Variants in SCYL3 observed in about 807,000 individuals in gnomAD.
The protein encoded by SCYL3 is SCY1 like pseudokinase 3.
Under a neutral mutation model 73.8 loss-of-function variants are expected in SCYL3, and 35 were observed. The ratio of observed to expected loss-of-function variants is 0.47; its 90% CI spans 0.36 to 0.63. The LOEUF (loss-of-function observed/expected upper bound fraction) is 0.63. Ranked by LOEUF, SCYL3 falls within the 20% of genes least tolerant of loss-of-function variation. The probability of loss-of-function intolerance (pLI) is 0.00; values close to 1 mark genes in which losing one functional copy is unlikely to be tolerated. For synonymous variants in SCYL3, 277 were observed against 295.2 expected, an observed-to-expected ratio of 0.94 and a Z score of 0.63; for missense variants, 712 against 798.9, an observed-to-expected ratio of 0.89 and a Z score of 1.31.
At chr1:169,881,323 A>G (rs1661240494) in intron 2 of SCYL3, among the ~76,000 whole-genome samples, 1 of 152,146 alleles carries the variant, frequency 6.6e-6, no homozygotes, top group South Asian at 2.1e-4. Context: ...TAATATGCAT[A>G]TTTTGGGGGA....
In SCYL3 at chr1:169,888,758, G is replaced by A; in HGVS notation, c.83C>T (p.Pro28Leu). Residue 28 changes from proline (P) to leucine (L), a missense_variant, in exon 2 of 13, where the codon CCC (proline) becomes CTC (leucine). By Grantham distance (98) the Pro-to-Leu change is moderately conservative. Coordinates refer to ENST00000367771, the MANE Select transcript of SCYL3 (RefSeq NM_020423.7). ...AAATTTGCCATCTTGCAGTACAGCG[G>A]GATAAACAGCAAGTCCAGAGGGTAA... is the stretch of plus-strand genomic sequence containing the variant. ...FTLPSGLAVY[P>L]AVLQDGKFAS... The A allele has an allele frequency of 1.9e-6, 3 of 1,613,886 alleles. No individual in the cohort carries two copies. The highest frequency in any genetic ancestry group is 1.3e-5 in the African/African-American group (1 of 75,016).
intron 9 of SCYL3, among the ~76,000 whole-genome samples, 186 bp from the exon 10 acceptor site, chr1:169,862,983 G>A (rs1659773148): frequency 1.3e-5 from 2 of 152,050 alleles, no homozygotes; most frequent in African/African-American, 2.4e-5. Context: ...CGCGATCTCG[G>A]CTCACTGCAA....
chr1:169,854,081 C>T, intron 12 of SCYL3, 189 bp downstream of exon 12: 1 of 586,876 alleles, frequency 1.7e-6, no homozygotes, highest in Non-Finnish European at 2.9e-6. Flanking sequence ...ATTAAACAAA[C>T]TAAGCATTGC....
chr1:169,889,470 AC>A (rs1661910891), intron 1 of SCYL3, among the ~76,000 whole-genome samples: 1 of 152,140 alleles, frequency 6.6e-6, no homozygotes, highest in African/African-American at 2.4e-5. Context: ...AAAACAGACA[AC>A]TCATTGAAGA....
At position 169,852,178 on chromosome 1, in the gene SCYL3, C is replaced by T. The variant is rs1034647535; in HGVS notation, c.*1535G>A. On this transcript the variant is annotated 3_prime_UTR_variant, in exon 13 of 13. Transcript: ENST00000367771. ...TGGTAGTAACCTTTAAGGGAAGTTACATATTGTACCAGTGATGCTATAAAT... is the reference window on the plus strand; with the variant it reads ...TGGTAGTAACCTTTAAGGGAAGTTATATATTGTACCAGTGATGCTATAAAT... The T allele has an allele frequency of 9.2e-6, 5 of 543,858 alleles. No homozygotes were observed. The highest frequency in any genetic ancestry group is 1.6e-5 in the Non-Finnish European group (5 of 307,624). The allele number at this position is 543,858 out of a possible 1,614,324, so 33.7% of individuals were successfully genotyped here.
chr1:169,856,928 T>C (rs926098344), intron 11 of SCYL3, among the ~76,000 whole-genome samples: 1 of 152,232 alleles, frequency 6.6e-6, no homozygotes, highest in Non-Finnish European at 1.5e-5. Flanking sequence ...TGATTAACTC[T>C]TTTCTGCTAA....
chr1:169,893,210 T>C (rs1662205731), intron 1 of SCYL3, among the ~76,000 whole-genome samples: 1 of 152,206 alleles, frequency 6.6e-6, no homozygotes, highest in South Asian at 2.1e-4. Context: ...GAATATGCTC[T>C]TCCGAGAAAT....
At chr1:169,893,592 A>T (rs893772459) in intron 1 of SCYL3, among the ~76,000 whole-genome samples, 196 bp downstream of exon 1, 1 of 151,998 alleles carries the variant, frequency 6.6e-6, no homozygotes, top group Non-Finnish European at 1.5e-5. Context: ...CCCCACAATC[A>T]GCAAGGGGAG....
intron 5 of SCYL3, among the ~76,000 whole-genome samples, chr1:169,871,417 CT>C (rs918413259): frequency 5.3e-5 from 8 of 152,302 alleles, no homozygotes; most frequent in Admixed American, 4.6e-4. Flanking sequence ...TGCCTTTTGC[CT>C]TCTGCCATGA....
intron 4 of SCYL3, among the ~76,000 whole-genome samples, chr1:169,874,574 T>A (rs1571426057): frequency 6.6e-6 from 1 of 152,052 alleles, no homozygotes; most frequent in South Asian, 2.1e-4. Flanking sequence ...GAAGAAGGCA[T>A]ATGTGGGAAC....
In SCYL3 at chr1:169,866,772, T is replaced by TA. The variant is rs879231354; in HGVS notation, c.815+123dup. On this transcript the variant is annotated intron_variant, in intron 8 of 12. Coordinates refer to ENST00000367771, the MANE Select transcript of SCYL3 (RefSeq NM_020423.7). The stretch of plus-strand genomic sequence containing the variant: ...AGGGCCTAGCAGAAAGCCTGACACA[T>TA]AGGAAATGTTCAATAAATGTGAAAT... 1.6e-4 allele frequency: 106 copies of TA among 648,968 alleles called. 2 individuals carry two copies. Among genetic ancestry groups the TA allele is most frequent in the South Asian group, 1.2e-3 (71 of 57,202 alleles). The allele number at this position is 648,968 out of a possible 1,614,324, so 40.2% of individuals were successfully genotyped here.
At position 169,878,792 on chromosome 1, in the gene SCYL3, A is replaced by G; in HGVS notation, c.193T>C (p.Leu65=). The change falls in exon 3 of 13, where the codon TTG becomes CTG. Residue 65 remains leucine (L), a synonymous_variant. Transcript: ENST00000367771. ...ACAGTACAAGATAAAAATCTTAGCA[A>G]GCAAGGGTGACGAAGTGTCTTCAAA... is the stretch of plus-strand genomic sequence containing the variant. The part of the protein sequence containing the change: ...KHLKTLRHPC[L]LRFLSCTVEA... 5 of 1,613,236 alleles carry G rather than the reference A, an allele frequency of 3.1e-6. No homozygotes were observed. Among genetic ancestry groups the G allele is most frequent in the Non-Finnish European group, 4.2e-6 (5 of 1,179,738 alleles).
intron 10 of SCYL3, among the ~76,000 whole-genome samples, chr1:169,860,365 G>A (rs939588570): frequency 1.2e-4 from 19 of 152,236 alleles, no homozygotes; most frequent in Non-Finnish European, 2.2e-4. Context: ...TATAAGGAAG[G>A]AAATGACCTT....
chr1:169,892,336 G>T (rs1188001880), intron 1 of SCYL3, among the ~76,000 whole-genome samples: 1 of 152,152 alleles, frequency 6.6e-6, no homozygotes. Context: ...CTATCTCACT[G>T]TAACCTGGAA....
intron 2 of SCYL3, among the ~76,000 whole-genome samples, chr1:169,881,155 A>G (rs1661220205): frequency 6.6e-6 from 1 of 152,242 alleles, no homozygotes; most frequent in Non-Finnish European, 1.5e-5. Context: ...GTGTGAATGA[A>G]TGTACAATTA....
chr1:169,873,852 C>T (rs1269423823), intron 4 of SCYL3, 100 bp from the exon 5 acceptor site: 3 of 737,658 alleles, frequency 4.1e-6, no homozygotes, highest in Non-Finnish European at 6.9e-6. Flanking sequence ...GCAAACAGCA[C>T]CAATTAAACC....
In SCYL3 at chr1:169,851,905, C is replaced by T; in HGVS notation, c.*1808G>A. 2 of 1,614,012 alleles carry T rather than the reference C, an allele frequency of 1.2e-6. No individual in the cohort carries two copies. Among genetic ancestry groups the T allele is most frequent in the Non-Finnish European group, 1.7e-6 (2 of 1,179,942 alleles). ...TTCTGGGAACCCTTTGCTAATGTGA[C>T]TGTAGAAGAAGCAAAGAGGTCATCT... On this transcript the variant is annotated 3_prime_UTR_variant, in exon 13 of 13. Coordinates refer to ENST00000367771, the MANE Select transcript of SCYL3 (RefSeq NM_020423.7).
intron 11 of SCYL3, among the ~76,000 whole-genome samples, chr1:169,857,608 A>G (rs913329221): frequency 6.6e-6 from 1 of 152,230 alleles, no homozygotes; most frequent in Non-Finnish European, 1.5e-5. Context: ...ATTCAGTGAA[A>G]TATTAGGTAG....
chr1:169,873,876 C>A, intron 4 of SCYL3, 124 bp from the exon 5 acceptor site: 1 of 625,724 alleles, frequency 1.6e-6, no homozygotes, highest in South Asian at 2.1e-5. Flanking sequence ...AAATCAATGC[C>A]GCATATTAGA....
Sources: allele counts gnomAD v4.1 joint callset (sites outside exome capture counted in the v4.1 genomes callset), GRCh38; gene constraint gnomAD v4.1.1; transcripts MANE v1.5; gene names NCBI Gene and HGNC (gene_info 2026-07-23, HGNC 2026-07-21).